HHIPL2: variants seen among roughly 807,000 people sequenced by gnomAD.
HHIPL2 encodes HHIP-like protein 2.
HHIPL2 carries 61 observed loss-of-function variants against 61.0 expected under a neutral mutation model. The ratio of observed to expected loss-of-function variants is 1.00; its 90% confidence interval spans 0.81 to 1.24. The LOEUF is 1.24. Among genes scored for constraint, HHIPL2 ranks in the 50% most tolerant of loss-of-function variants. The probability of loss-of-function intolerance (pLI) is 0.00; values close to 1 mark genes in which losing one functional copy is unlikely to be tolerated. For missense variants in HHIPL2, 885 were observed against 910.2 expected, an observed-to-expected ratio of 0.97 and a Z score of 0.36; for synonymous variants, 343 against 357.4, an observed-to-expected ratio of 0.96 and a Z score of 0.45.
intron 7 of HHIPL2, 115 bp downstream of exon 7, chr1:222,526,853 GC>G: frequency 2.7e-6 from 2 of 751,240 alleles, no homozygotes; most frequent in Non-Finnish European, 4.4e-6. Context: ...TGTCCAAACT[GC>G]TTTTCATCTA....
chr1:222,544,178 G>A lies in HHIPL2; in HGVS notation c.333C>T (p.Pro111=), dbSNP rs896329132. The A allele has an allele frequency of 1.2e-6, 2 of 1,611,282 alleles. No individual in the cohort carries two copies. Among genetic ancestry groups the A allele is most frequent in the Admixed American group, 1.7e-5 (1 of 59,968 alleles). Reference sequence around the variant, plus strand: ...CGGCGTCGTAGAGGTGGGCTGCGTAGGGCGAGCACTCCTAAAAAAGAACGC... The same window carrying A: ...CGGCGTCGTAGAGGTGGGCTGCGTAAGGCGAGCACTCCTAAAAAAGAACGC... ...IKDILCQECS[P]YAAHLYDAEN... is the part of the protein sequence containing the mutation. Residue 111 remains proline, a synonymous_variant, in exon 2 of 9, where the codon CCC becomes CCT. Coordinates refer to ENST00000343410, the MANE Select transcript of HHIPL2 (RefSeq NM_024746.4).
At chr1:222,526,040 G>A (rs1485834570) in intron 7 of HHIPL2, among the ~76,000 whole-genome samples, 1 of 151,904 alleles carries the variant, frequency 6.6e-6, no homozygotes, top group Admixed American at 6.6e-5. Context: ...AAAATCCAGT[G>A]CACTGCCCAG....
At position 222,543,534 on chromosome 1, in the gene HHIPL2, C is replaced by G. The variant is rs1659480184; in HGVS notation, c.974+3G>C. 1 of 1,608,368 alleles carries G rather than the reference C, an allele frequency of 6.2e-7. No individual in the cohort carries two copies. Among genetic ancestry groups the G allele is most frequent in the Non-Finnish European group, 8.5e-7 (1 of 1,176,370 alleles). The stretch of plus-strand genomic sequence containing the variant: ...GCTGTAGGCTCTCATGAGTACCTCT[C>G]ACCTCTCTGATTTCAGGTCAGCTTT... On this transcript the variant is annotated splice_donor_region_variant and intron_variant, in intron 2 of 8. Coordinates refer to ENST00000343410, the MANE Select transcript of HHIPL2 (RefSeq NM_024746.4).
chr1:222,526,898 T>C lies in HHIPL2; in HGVS notation c.1805+71A>G. On this transcript the variant is annotated intron_variant, in intron 7 of 8. Transcript: ENST00000343410. The stretch of plus-strand genomic sequence containing the variant: ...GTTTGCTTCGGGACAATGAGGACTG[T>C]TTTTATGGCCTGCCATGGAGATAAG... 3.8e-6 allele frequency: 5 copies of C among 1,319,736 alleles called. No homozygotes were observed. The South Asian group carries it at 6.4e-5, about 17-fold the overall frequency. The allele number at this position is 1,319,736 out of a possible 1,614,324, so 81.8% of individuals were successfully genotyped here.
rs368181267 is a variant in HHIPL2 at position 222,538,628 on chromosome 1, G to A, written c.1577+20C>T. The A allele has an allele frequency of 2.3e-5, 37 of 1,605,758 alleles. 2 individuals are homozygous for A. In the South Asian group the frequency reaches 4.0e-4, roughly 17 times the overall value. ...ATATTAAAATAAAAAGAGGGAGAAG[G>A]GACATCAGTCCTTCCTTACCCACTC... On this transcript the variant is annotated intron_variant, in intron 5 of 8. Coordinates refer to ENST00000343410, the MANE Select transcript of HHIPL2 (RefSeq NM_024746.4).
At chr1:222,535,104 T>C in intron 5 of HHIPL2, among the ~76,000 whole-genome samples, 1 of 151,974 alleles carries the variant, frequency 6.6e-6, no homozygotes, top group East Asian at 1.9e-4. Context: ...ATATATTACA[T>C]ATGAAGGAAC....
At chr1:222,547,344 G>C (rs768364629) in intron 1 of HHIPL2, among the ~76,000 whole-genome samples, 1 of 152,108 alleles carries the variant, frequency 6.6e-6, no homozygotes, top group Non-Finnish European at 1.5e-5. Flanking sequence ...TAACGCGCTC[G>C]GTAAATTCCA....
At position 222,526,381 on chromosome 1, in the gene HHIPL2, C is replaced by CTGTTG. The variant is rs542678901; in HGVS notation, c.1805+587_1805+588insCAACA. 2.6e-3 allele frequency among the ~76,000 whole-genome samples: 392 copies of CTGTTG among 151,402 alleles called. 1 individual carries two copies. Among genetic ancestry groups the CTGTTG allele is most frequent in the Non-Finnish European group, 3.8e-3 (258 of 67,874 alleles). On this transcript the variant is annotated intron_variant, in intron 7 of 8. Coordinates refer to ENST00000343410, the MANE Select transcript of HHIPL2 (RefSeq NM_024746.4). The stretch of plus-strand genomic sequence containing the variant: ...AGGTGTACACCTGTTGTTAGATGAC[C>CTGTTG]TCAGACAGACATTTCCAGAAGCATA...
At position 222,543,426 on chromosome 1, in the gene HHIPL2, A is replaced by G; in HGVS notation, c.974+111T>C. ...AATCCACAGTGACTCCTTTCTCAAC[A>G]GTTCGAGTAGTGCTCTAAAACCAGT... On this transcript the variant is annotated intron_variant, in intron 2 of 8. Coordinates refer to ENST00000343410, the MANE Select transcript of HHIPL2 (RefSeq NM_024746.4). 6 of 1,084,218 alleles carry G rather than the reference A, an allele frequency of 5.5e-6. No individual in the cohort carries two copies. The South Asian group carries it at 9.3e-5, about 17-fold the overall frequency. 67.2% of individuals were successfully genotyped at this position (1,084,218 alleles called of 1,614,324 possible).
rs1003603497 is a variant in HHIPL2 at position 222,547,605 on chromosome 1, A to G, written c.321+119T>C. 4.7e-6 allele frequency: 4 copies of G among 851,478 alleles called. No individual in the cohort carries two copies. In the Admixed American group the frequency reaches 7.3e-5, roughly 16 times the overall value. The allele number at this position is 851,478 out of a possible 1,614,324, so 52.7% of individuals were successfully genotyped here. ...CGTGTCCAAAGCCGGCAGCTCCAAG[A>G]TGAGGCACCCGGCACATGAACTTCT... On this transcript the variant is annotated intron_variant, in intron 1 of 8. Transcript: ENST00000343410.
intron 1 of HHIPL2, among the ~76,000 whole-genome samples, chr1:222,545,985 T>A (rs1659545961): frequency 6.6e-6 from 1 of 151,876 alleles, no homozygotes; most frequent in South Asian, 2.1e-4. Flanking sequence ...GCAGAGGTTG[T>A]AGTCAGCCAA....
Position 222,532,071 on chromosome 1 carries a change from A to AT in HHIPL2, c.1617dup (p.Trp540MetfsTer24). Reference sequence around the variant, plus strand: ...CCCAGGCAAAGATCCTGCTTCTTCCATTTCTTGTTTTTTCTATCTTCCTGC... The same window carrying AT: ...CCCAGGCAAAGATCCTGCTTCTTCCATTTTCTTGTTTTTTCTATCTTCCTGC... On this transcript the variant is annotated frameshift_variant, in exon 6 of 9. Coordinates refer to ENST00000343410, the MANE Select transcript of HHIPL2 (RefSeq NM_024746.4). LOFTEE classifies it high-confidence loss of function. 1.2e-6 allele frequency: 2 copies of AT among 1,613,832 alleles called. No individual in the cohort carries two copies. Among genetic ancestry groups the AT allele is most frequent in the Non-Finnish European group, 1.7e-6 (2 of 1,179,784 alleles).
chr1:222,531,476 G>A (rs559208189), intron 6 of HHIPL2, among the ~76,000 whole-genome samples: 49 of 152,304 alleles, frequency 3.2e-4, no homozygotes, highest in Non-Finnish European at 5.9e-4. Flanking sequence ...AGCCGGGCGC[G>A]GTGGCTCACG....
chr1:222,538,718 C>T lies in HHIPL2; in HGVS notation c.1507G>A (p.Gly503Ser). ...GHAVGKSVTG[G>S]YVYRGCESPN... The stretch of plus-strand genomic sequence containing the variant: ...GATTCACAACCACGATAGACATAAC[C>T]TCCAGTGACTGACTTCCCCACTGCA... Residue 503 changes from glycine (G) to serine (S), a missense_variant, in exon 5 of 9, where the codon GGT (glycine) becomes AGT (serine). By Grantham distance (56) the Gly-to-Ser change is moderately conservative. Transcript: ENST00000343410. 6.2e-7 allele frequency: 1 copy of T among 1,613,914 alleles called. No individual in the cohort carries two copies.
chr1:222,547,900 C>T lies in HHIPL2; in HGVS notation c.145G>A (p.Gly49Arg), dbSNP rs753750432. Residue 49 changes from glycine (G) to arginine (R), a missense_variant, in exon 1 of 9, where the codon GGG becomes AGG. Physicochemically the swap from Gly to Arg is moderately radical, Grantham distance 125. Coordinates refer to ENST00000343410, the MANE Select transcript of HHIPL2 (RefSeq NM_024746.4). Reference sequence around the variant, plus strand: ...TGCAGAGGGGGCTGGAAAGGGGGCCCGTAATCCAGGCACTGGGGGTGTCCC... The same window carrying T: ...TGCAGAGGGGGCTGGAAAGGGGGCCTGTAATCCAGGCACTGGGGGTGTCCC... The part of the protein sequence containing the change: ...LQGHPQCLDY[G>R]PPFQPPLHLE... 51 of 1,613,994 alleles carry T rather than the reference C, an allele frequency of 3.2e-5. No homozygotes were observed. The highest frequency in any genetic ancestry group is 4.2e-5 in the Non-Finnish European group (49 of 1,180,034).
rs200730440 is a variant in HHIPL2 at position 222,522,623 on chromosome 1, C to G, written c.2153G>C (p.Arg718Pro). The part of the protein sequence containing the change: ...GRMRPSAEQK[R>P]AGRSLP ...AGGTCAAGGGAGACTTCTGCCAGCT[C>G]GCTTCTGCTCTGCTGATGGCCTCAT... Residue 718 changes from arginine to proline, a missense_variant, in exon 9 of 9, where the codon CGA (arginine) becomes CCA (proline). Transcript: ENST00000343410. 3.1e-6 allele frequency: 5 copies of G among 1,613,650 alleles called. No individual in the cohort carries two copies. The East Asian group carries it at 1.1e-4, about 36-fold the overall frequency.
At chr1:222,538,195 G>GGTGTGTGTGTGTGTGTGT (rs373452655) in intron 5 of HHIPL2, among the ~76,000 whole-genome samples, 58 of 136,364 alleles carry the variant, frequency 4.3e-4, no homozygotes, top group South Asian at 7.9e-4. Context: ...CTCTGGCTGG[G>GGTGTGTGTGTGTGTGTGT]GTGTGTGTGT....
At chr1:222,525,325 T>A (rs1164770749) in intron 7 of HHIPL2, 3 of 152,094 alleles carry the variant, frequency 2.0e-5, no homozygotes, top group African/African-American at 7.2e-5. Flanking sequence ...AGACCCTGAG[T>A]CTGCTCCATC....
chr1:222,540,263 C>G lies in HHIPL2; in HGVS notation c.1197G>C (p.Ser399=), dbSNP rs376492495. 1 of 1,614,232 alleles carries G rather than the reference C, an allele frequency of 6.2e-7. No homozygotes were observed. The highest frequency in any genetic ancestry group is 1.6e-4 in the Middle Eastern group (1 of 6,062). ...CTGGCTCAGAAACAAATGGATTGTC[C>G]GAGGGGACTCGGTACCGCTTGCCAT... ...GSHGKRYRVP[S]DNPFVSEPGA... is the part of the protein sequence containing the mutation. The change falls in exon 4 of 9, where the codon TCG becomes TCC. Residue 399 remains serine, a synonymous_variant. Coordinates refer to ENST00000343410, the MANE Select transcript of HHIPL2 (RefSeq NM_024746.4).
Sources: gnomAD v4.1 joint callset for allele counts (sites outside exome capture counted in the v4.1 genomes callset) on GRCh38, gnomAD v4.1.1 for gene constraint, MANE v1.5 for transcripts, NCBI Gene and HGNC (gene_info 2026-07-23, HGNC 2026-07-21) for gene names.